AFG1L: variants seen among roughly 807,000 people sequenced by gnomAD.
The protein encoded by AFG1L is AFG1-like ATPase.
A neutral mutation model predicts 62.2 loss-of-function variants in AFG1L; 53 were observed. The observed-to-expected ratio is 0.85, with a 90% CI of 0.68 to 1.07. The LOEUF (loss-of-function observed/expected upper bound fraction) is 1.07, where lower values mean the gene tolerates loss of function less well. Among genes scored for constraint, AFG1L ranks in the 50% least tolerant of loss-of-function variants. The pLI is 0.00. For synonymous variants in AFG1L, 228 were observed against 210.3 expected, an observed-to-expected ratio of 1.08 and a Z score of -0.73; for missense variants, 555 against 590.5, an observed-to-expected ratio of 0.94 and a Z score of 0.62.
intron 10 of AFG1L, among the ~76,000 whole-genome samples, chr6:108,500,820 A>G (rs1275691811): frequency 2.0e-5 from 3 of 152,016 alleles, no homozygotes; most frequent in African/African-American, 4.8e-5. Context: ...CACATCTGCT[A>G]TTTTTTGGCT....
intron 1 of AFG1L, among the ~76,000 whole-genome samples, chr6:108,317,035 A>T (rs1777631680): frequency 6.6e-6 from 1 of 152,174 alleles, no homozygotes; most frequent in South Asian, 2.1e-4. Context: ...TTGGATGCCA[A>T]CTCAGACCTT....
At chr6:108,437,769 G>A (rs1427972545) in intron 7 of AFG1L, among the ~76,000 whole-genome samples, 5 of 152,254 alleles carry the variant, frequency 3.3e-5, no homozygotes, top group South Asian at 2.1e-4. Flanking sequence ...TTTGAGATGG[G>A]AGGGAGAGGT....
intron 6 of AFG1L, chr6:108,392,305 C>CA (rs1781091726): frequency 6.6e-6 from 1 of 152,164 alleles, no homozygotes; most frequent in African/African-American, 2.4e-5. Context: ...TAAATGTACA[C>CA]AGTCTTTGTT....
chr6:108,385,992 A>C (rs1028263307), intron 6 of AFG1L, among the ~76,000 whole-genome samples: 2 of 152,190 alleles, frequency 1.3e-5, no homozygotes, highest in Non-Finnish European at 2.9e-5. Context: ...ACATGCCTGC[A>C]GTGGGAGCTT....
chr6:108,334,360 A>G (rs1018509985), intron 2 of AFG1L, among the ~76,000 whole-genome samples: 2 of 151,888 alleles, frequency 1.3e-5, no homozygotes, highest in Non-Finnish European at 2.9e-5. Flanking sequence ...TTGAAAATAT[A>G]ATTTTAGAGT....
intron 1 of AFG1L, among the ~76,000 whole-genome samples, chr6:108,299,700 G>C (rs1460632424): frequency 6.6e-6 from 1 of 152,158 alleles, no homozygotes; most frequent in African/African-American, 2.4e-5. Flanking sequence ...CTACTCATGA[G>C]GCCAAAGCAG....
intron 8 of AFG1L, among the ~76,000 whole-genome samples, chr6:108,454,861 C>T (rs964331741): frequency 2.6e-5 from 4 of 152,056 alleles, no homozygotes; most frequent in African/African-American, 7.2e-5. Flanking sequence ...CCATGTTGGC[C>T]AGGCTGGTTT....
intron 2 of AFG1L, among the ~76,000 whole-genome samples, chr6:108,330,831 T>G (rs772328916): frequency 9.2e-5 from 14 of 152,238 alleles, no homozygotes; most frequent in Non-Finnish European, 1.6e-4. Context: ...TAAATTCAGC[T>G]AATTACTACC....
Position 108,311,874 on chromosome 6 carries a change from A to AT in AFG1L, c.140-11943dup, listed in dbSNP as rs573526980. Among the ~76,000 whole-genome samples, 244 of 150,686 alleles carry AT rather than the reference A, an allele frequency of 1.6e-3. 1 individual carries two copies. Among genetic ancestry groups the AT allele is most frequent in the African/African-American group, 5.6e-3 (232 of 41,092 alleles). ...TTATTTATGTATTTTATTTTATTTT[A>AT]TTTTTTTTGAGACAGCGTCTTGCTC... On this transcript the variant is annotated intron_variant, in intron 1 of 12. Transcript: ENST00000368977.
chr6:108,331,610 G>A (rs1187981618), intron 2 of AFG1L, among the ~76,000 whole-genome samples: 1 of 152,124 alleles, frequency 6.6e-6, no homozygotes, highest in Non-Finnish European at 1.5e-5. Flanking sequence ...TTTTGTTATT[G>A]AATAAAATTT....
At chr6:108,414,154 A>G (rs189467459) in intron 7 of AFG1L, among the ~76,000 whole-genome samples, 7 of 152,364 alleles carry the variant, frequency 4.6e-5, no homozygotes, top group Admixed American at 2.6e-4. Context: ...CTCTATGCAA[A>G]TAAACTAGAA....
At chr6:108,368,531 G>A (rs187286525) in intron 6 of AFG1L, among the ~76,000 whole-genome samples, 1 of 152,086 alleles carries the variant, frequency 6.6e-6, no homozygotes, top group Non-Finnish European at 1.5e-5. Flanking sequence ...GTTATATACA[G>A]CATTCTTGTG....
At chr6:108,399,907 T>C (rs1781494200) in intron 6 of AFG1L, among the ~76,000 whole-genome samples, 1 of 150,704 alleles carries the variant, frequency 6.6e-6, no homozygotes, top group Non-Finnish European at 1.5e-5. Flanking sequence ...ACTTCCTGAG[T>C]AGCTGGGGCT....
chr6:108,319,772 C>A (rs1027191863), intron 1 of AFG1L: 1 of 437,226 alleles, frequency 2.3e-6, no homozygotes, highest in Non-Finnish European at 4.6e-6. Context: ...CTCCACCCAG[C>A]CTCAACTTTA....
intron 2 of AFG1L, among the ~76,000 whole-genome samples, chr6:108,327,724 A>G (rs1388944190): frequency 2.0e-5 from 3 of 152,078 alleles, no homozygotes; most frequent in African/African-American, 7.2e-5. Flanking sequence ...GCACCCACTT[A>G]TTTTGTTGTT....
intron 1 of AFG1L, among the ~76,000 whole-genome samples, chr6:108,323,219 C>A (rs533045270): frequency 2.3e-4 from 35 of 152,212 alleles, no homozygotes; most frequent in South Asian, 8.3e-4. Flanking sequence ...AGATGAGGAA[C>A]CCCAGTGTCT....
chr6:108,311,709 AT>A (rs1282600653), intron 1 of AFG1L, among the ~76,000 whole-genome samples: 1 of 151,712 alleles, frequency 6.6e-6, no homozygotes, highest in African/African-American at 2.4e-5. Flanking sequence ...CTCGCCACTG[AT>A]TGTATTTGCA....
intron 1 of AFG1L, chr6:108,319,705 T>C: frequency 2.7e-6 from 1 of 364,864 alleles, no homozygotes; most frequent in Non-Finnish European, 5.5e-6. Context: ...AACTTTTGGT[T>C]TCAAGGGATC....
In AFG1L at chr6:108,333,672, A is replaced by AT. The variant is rs555275814; in HGVS notation, c.363+9632dup. Among the ~76,000 whole-genome samples, 24 of 152,028 alleles carry AT rather than the reference A, an allele frequency of 1.6e-4. 1 individual carries two copies. The highest frequency in any genetic ancestry group is 1.2e-3 in the South Asian group (6 of 4,812). On this transcript the variant is annotated intron_variant, in intron 2 of 12. Transcript: ENST00000368977. ...AGTAGAAAAATAGACAAAGGAGAGTATTTTTTTTCAGAAATAACTAGCAGA... is the reference window on the plus strand; with the variant it reads ...AGTAGAAAAATAGACAAAGGAGAGTATTTTTTTTTCAGAAATAACTAGCAGA...
Sources: allele counts gnomAD v4.1 joint callset (sites outside exome capture counted in the v4.1 genomes callset), GRCh38; gene constraint gnomAD v4.1.1; transcripts MANE v1.5; gene names NCBI Gene and HGNC (gene_info 2026-07-23, HGNC 2026-07-21).